PBX1: variants seen among roughly 807,000 people sequenced by gnomAD.
The protein encoded by PBX1 is PBX homeobox 1.
Under a neutral mutation model 53.4 loss-of-function variants are expected in PBX1, and 6 were observed. The observed-to-expected ratio is 0.11, with a 90% CI of 0.06 to 0.22. The LOEUF (loss-of-function observed/expected upper bound fraction) is 0.22, where lower values mean the gene tolerates loss of function less well. PBX1 is among the 10% of genes least tolerant of loss of function. The pLI, the probability that PBX1 is intolerant of heterozygous loss-of-function variation, is 1.00. For synonymous variants in PBX1, 204 were observed against 212.3 expected (o/e 0.96, Z 0.34); for missense variants, 251 against 551.4 (o/e 0.46, Z 5.46).
At chr1:164,591,733 T>A (rs1013338022) in intron 2 of PBX1, among the ~76,000 whole-genome samples, 5 of 152,392 alleles carry the variant, frequency 3.3e-5, no homozygotes, top group Admixed American at 6.5e-5. Context: ...CAGAACATTC[T>A]GTTAGCAGAC....
chr1:164,724,670 ATTTT>A (rs59042806), intron 2 of PBX1, among the ~76,000 whole-genome samples: 8 of 48,200 alleles, frequency 1.7e-4, no homozygotes, highest in Non-Finnish European at 3.4e-4. Flanking sequence ...ATAGCTGCAG[ATTTT>A]TTTTTTTTTT....
At chr1:164,846,507 A>T in intron 8 of PBX1, 77 bp from the exon 9 acceptor site, 1 of 1,213,394 alleles carries the variant, frequency 8.2e-7, no homozygotes, top group Non-Finnish European at 1.2e-6. Context: ...TTTACACAAG[A>T]TGCCTCATTG....
At chr1:164,750,560 A>G (rs969590398) in intron 2 of PBX1, among the ~76,000 whole-genome samples, 1 of 152,216 alleles carries the variant, frequency 6.6e-6, no homozygotes, top group Non-Finnish European at 1.5e-5. Context: ...AATGAAATTT[A>G]TCTGAAACAT....
At chr1:164,733,945 T>A (rs983652027) in intron 2 of PBX1, among the ~76,000 whole-genome samples, 5 of 152,330 alleles carry the variant, frequency 3.3e-5, no homozygotes, top group Admixed American at 3.3e-4. Context: ...TTCTACTAAT[T>A]TTTTTCTGTG....
intron 2 of PBX1, among the ~76,000 whole-genome samples, chr1:164,773,901 C>A (rs1419011864): frequency 6.6e-6 from 1 of 152,138 alleles, no homozygotes; most frequent in Non-Finnish European, 1.5e-5. Flanking sequence ...TCAAGAGGCC[C>A]AGAACTTAAG....
At chr1:164,568,261 A>G (rs1434794138) in intron 2 of PBX1, among the ~76,000 whole-genome samples, 2 of 152,186 alleles carry the variant, frequency 1.3e-5, no homozygotes, top group Admixed American at 6.5e-5. Flanking sequence ...TTTGGTTTCA[A>G]ATCTCTTTTA....
At chr1:164,734,193 T>C (rs761318683) in intron 2 of PBX1, among the ~76,000 whole-genome samples, 6 of 152,206 alleles carry the variant, frequency 3.9e-5, no homozygotes, top group Non-Finnish European at 7.4e-5. Flanking sequence ...TTTGGAGTTA[T>C]CTCCTTTCTC....
intron 2 of PBX1, among the ~76,000 whole-genome samples, chr1:164,625,359 C>T (rs760663122): frequency 6.6e-6 from 1 of 152,156 alleles, no homozygotes; most frequent in Admixed American, 6.5e-5. Flanking sequence ...CAATGAGGTA[C>T]ATTTGTATTT....
intron 2 of PBX1, among the ~76,000 whole-genome samples, chr1:164,623,496 A>G (rs1458539780): frequency 6.6e-6 from 1 of 152,210 alleles, no homozygotes; most frequent in African/African-American, 2.4e-5. Context: ...TCTAATTCCC[A>G]CACAGGTGGG....
rs549600349 is a variant in PBX1, at chr1:164,729,913, G to A, written c.266-62581G>A. ...GCACTGTGGCAAGCATTGTACATTC[G>A]TTGTCTCATTTAATCTTCCCAATAA... On this transcript the variant is annotated intron_variant, in intron 2 of 8. Coordinates refer to ENST00000420696, the MANE Select transcript of PBX1 (RefSeq NM_002585.4). Among the ~76,000 whole-genome samples the A allele has an allele frequency of 5.3e-5, 8 of 152,262 alleles. No individual in the cohort carries two copies. In the East Asian group the frequency reaches 5.8e-4, roughly 11 times the overall value.
chr1:164,673,404 C>T (rs898079381), intron 2 of PBX1, among the ~76,000 whole-genome samples: 5 of 151,516 alleles, frequency 3.3e-5, no homozygotes, highest in Admixed American at 1.3e-4. Context: ...GGGGCCACCA[C>T]GTCTCTCCGC....
At chr1:164,728,505 A>G (rs969513522) in intron 2 of PBX1, among the ~76,000 whole-genome samples, 3 of 152,254 alleles carry the variant, frequency 2.0e-5, no homozygotes, top group South Asian at 2.1e-4. Flanking sequence ...CATAATTTTC[A>G]GAAATTATTT....
intron 2 of PBX1, among the ~76,000 whole-genome samples, chr1:164,745,626 A>G (rs993683179): frequency 2.0e-5 from 3 of 152,202 alleles, no homozygotes; most frequent in Admixed American, 1.3e-4. Flanking sequence ...TATCAGTTCA[A>G]TAGTAATTAG....
intron 2 of PBX1, among the ~76,000 whole-genome samples, chr1:164,672,278 G>A (rs1017513826): frequency 3.9e-5 from 6 of 152,024 alleles, no homozygotes; most frequent in African/African-American, 1.4e-4. Flanking sequence ...CTGCTCAGGG[G>A]ACTTGATCCC....
intron 2 of PBX1, chr1:164,680,621 A>G (rs1390610546): frequency 6.6e-6 from 1 of 152,224 alleles, no homozygotes; most frequent in Non-Finnish European, 1.5e-5. Context: ...TCTATCTTAA[A>G]GGAGCCTTCA....
intron 2 of PBX1, among the ~76,000 whole-genome samples, chr1:164,640,869 C>T (rs754687837): frequency 5.3e-5 from 8 of 152,076 alleles, no homozygotes; most frequent in African/African-American, 7.2e-5. Flanking sequence ...TTCCTTGTGT[C>T]TTAAAGCAAA....
intron 2 of PBX1, among the ~76,000 whole-genome samples, chr1:164,741,848 A>G (rs1665630316): frequency 6.6e-6 from 1 of 152,000 alleles, no homozygotes; most frequent in Non-Finnish European, 1.5e-5. Context: ...AGAGGAAAAA[A>G]ATGTCACCAT....
intron 2 of PBX1, among the ~76,000 whole-genome samples, chr1:164,676,597 T>A (rs1036532660): frequency 1.3e-5 from 2 of 152,184 alleles, no homozygotes; most frequent in Non-Finnish European, 2.9e-5. Flanking sequence ...AGACACCAGA[T>A]CTGGAAATGG....
intron 2 of PBX1, among the ~76,000 whole-genome samples, chr1:164,593,464 T>C (rs2101778189): frequency 6.6e-6 from 1 of 152,264 alleles, no homozygotes; most frequent in African/African-American, 2.4e-5. Flanking sequence ...CTGTCTCACC[T>C]TTTACCTGAT....
Sources: allele counts gnomAD v4.1 joint callset (sites outside exome capture counted in the v4.1 genomes callset), GRCh38; gene constraint gnomAD v4.1.1; transcripts MANE v1.5; gene names NCBI Gene and HGNC (gene_info 2026-07-23, HGNC 2026-07-21).